GCLM: variants seen among roughly 807,000 people sequenced by gnomAD.
GCLM encodes glutamate--cysteine ligase regulatory subunit.
A neutral mutation model predicts 36.0 loss-of-function variants in GCLM; 15 were observed. The observed-to-expected ratio is 0.42, with a 90% CI of 0.28 to 0.64. The LOEUF is 0.64. GCLM is among the 30% of genes least tolerant of loss of function. The probability of loss-of-function intolerance (pLI) is 0.25; values close to 1 mark genes in which losing one functional copy is unlikely to be tolerated. For synonymous variants in GCLM, 129 were observed against 122.8 expected (o/e 1.05, Z -0.34); for missense variants, 242 against 325.5 (o/e 0.74, Z 1.97).
intron 5 of GCLM, 138 bp downstream of exon 5, chr1:93,896,479 AG>A (rs1304998851): frequency 1.5e-6 from 1 of 684,528 alleles, no homozygotes; most frequent in East Asian, 2.5e-5. Context: ...AAACTCCTGC[AG>A]AAACAAAACA....
At chr1:93,899,222 C>T (rs1466015296) in intron 3 of GCLM, among the ~76,000 whole-genome samples, 1 of 151,876 alleles carries the variant, frequency 6.6e-6, no homozygotes, top group Non-Finnish European at 1.5e-5. Flanking sequence ...TATAGGCCTG[C>T]GCCACCATGC....
chr1:93,897,201 G>A (rs906507530), intron 4 of GCLM, among the ~76,000 whole-genome samples: 5 of 152,018 alleles, frequency 3.3e-5, no homozygotes, highest in African/African-American at 7.3e-5. Context: ...CACTACTATC[G>A]CATATGGATG....
At chr1:93,907,430 G>A (rs1657183551) in intron 1 of GCLM, among the ~76,000 whole-genome samples, 1 of 152,102 alleles carries the variant, frequency 6.6e-6, no homozygotes, top group Non-Finnish European at 1.5e-5. Flanking sequence ...TACGGTATAA[G>A]GGCTAATATC....
chr1:93,887,096 A>C lies in GCLM; in HGVS notation c.*1894T>G, dbSNP rs1031373641. 1.3e-5 allele frequency: 2 copies of C among 151,102 alleles called. No individual in the cohort carries two copies. Among genetic ancestry groups the C allele is most frequent in the Non-Finnish European group, 2.9e-5 (2 of 67,974 alleles). 9.4% of individuals were successfully genotyped at this position (151,102 alleles called of 1,614,324 possible). A position where few individuals can be genotyped will look rare whatever the true frequency, so the allele number is the denominator to read the frequency against. On this transcript the variant is annotated 3_prime_UTR_variant, in exon 7 of 7. Coordinates refer to ENST00000370238, the MANE Select transcript of GCLM (RefSeq NM_002061.4). ...CTGCAAACTCCGCCTCCCAGGTTCAAGCGATTCTCGTGCCTCGCCTCCAAA... is the reference window on the plus strand; with the variant it reads ...CTGCAAACTCCGCCTCCCAGGTTCACGCGATTCTCGTGCCTCGCCTCCAAA...
Position 93,894,596 on chromosome 1 carries a change from T to C in GCLM, c.655+18A>G. ...AAAAGCTTATGATCAATCTCTATAA[T>C]GAAAATATCAGTTTTACCTTTTGGA... On this transcript the variant is annotated intron_variant, in intron 6 of 6. Transcript: ENST00000370238. 8.0e-7 allele frequency: 1 copy of C among 1,248,264 alleles called. No homozygotes were observed. The highest frequency in any genetic ancestry group is 2.3e-5 in the East Asian group (1 of 43,068). 77.3% of individuals were successfully genotyped at this position (1,248,264 alleles called of 1,614,324 possible). A position where few individuals can be genotyped will look rare whatever the true frequency, so the allele number is the denominator to read the frequency against.
intron 1 of GCLM, among the ~76,000 whole-genome samples, chr1:93,904,872 G>A (rs1657088138): frequency 6.6e-6 from 1 of 152,012 alleles, no homozygotes; most frequent in African/African-American, 2.4e-5. Flanking sequence ...GCTAACTGTT[G>A]AGACACAAAA....
chr1:93,903,211 G>A (rs1557732143), intron 2 of GCLM, among the ~76,000 whole-genome samples: 1 of 151,952 alleles, frequency 6.6e-6, no homozygotes, highest in Non-Finnish European at 1.5e-5. Context: ...TAGCTTCTTT[G>A]GGTAGATACT....
chr1:93,895,533 T>C (rs1416919253), intron 5 of GCLM, among the ~76,000 whole-genome samples: 1 of 152,184 alleles, frequency 6.6e-6, no homozygotes. Context: ...AAGAGAAGAA[T>C]TGACAGCTTC....
At position 93,894,698 on chromosome 1, in the gene GCLM, C is replaced by A; in HGVS notation, c.571G>T (p.Ala191Ser). Residue 191 changes from alanine to serine, a missense_variant, in exon 6 of 7, where the codon GCC (alanine) becomes TCC (serine). Physicochemically the swap from Ala to Ser is moderately conservative, Grantham distance 99. Coordinates refer to ENST00000370238, the MANE Select transcript of GCLM (RefSeq NM_002061.4). ...TCTGGTGGCATCACACAGCAGGAGG[C>A]AAGATTAACTTGGTTACTATTTGGT... ...VKPNSNQVNL[A>S]SCCVMPPDLT... 1 of 1,608,500 alleles carries A rather than the reference C, an allele frequency of 6.2e-7. No individual in the cohort carries two copies. Among genetic ancestry groups the A allele is most frequent in the South Asian group, 1.1e-5 (1 of 90,926 alleles).
At chr1:93,904,985 C>T (rs1657092146) in intron 1 of GCLM, among the ~76,000 whole-genome samples, 1 of 151,952 alleles carries the variant, frequency 6.6e-6, no homozygotes, top group South Asian at 2.1e-4. Flanking sequence ...ACCAGCCTGG[C>T]CAACATGGTG....
chr1:93,892,516 G>A (rs1014266481), intron 6 of GCLM, among the ~76,000 whole-genome samples: 3 of 152,014 alleles, frequency 2.0e-5, no homozygotes, highest in South Asian at 2.1e-4. Flanking sequence ...AAATTAAATC[G>A]AGAGTTGCTT....
chr1:93,909,192 G>T lies in GCLM; in HGVS notation c.-29C>A. On this transcript the variant is annotated 5_prime_UTR_variant, in exon 1 of 7. Transcript: ENST00000370238. Reference sequence around the variant, plus strand: ...AGCGGCCGCCCAGGGGCCGCGCAGCGAAGGGGCTGCGGGCGGGCGGGCAGG... The same window carrying T: ...AGCGGCCGCCCAGGGGCCGCGCAGCTAAGGGGCTGCGGGCGGGCGGGCAGG... The T allele has an allele frequency of 8.3e-7, 1 of 1,206,104 alleles. No homozygotes were observed. The highest frequency in any genetic ancestry group is 1.0e-6 in the Non-Finnish European group (1 of 973,368). 74.7% of individuals were successfully genotyped at this position (1,206,104 alleles called of 1,614,324 possible). A position where few individuals can be genotyped will look rare whatever the true frequency, so the allele number is the denominator to read the frequency against.
chr1:93,904,202 C>A (rs1209925194), intron 2 of GCLM: 1 of 299,336 alleles, frequency 3.3e-6, no homozygotes, highest in Admixed American at 5.1e-5. Context: ...TCTACTAAAG[C>A]AATCTACCAA....
chr1:93,908,990 GC>G, intron 1 of GCLM, 47 bp downstream of exon 1: 1 of 1,377,010 alleles, frequency 7.3e-7, no homozygotes, highest in Non-Finnish European at 9.4e-7. Flanking sequence ...GCCCGGCCCC[GC>G]CCGAGGCCTG....
chr1:93,896,588 T>G, intron 5 of GCLM, 30 bp downstream of exon 5: 1 of 1,562,628 alleles, frequency 6.4e-7, no homozygotes, highest in East Asian at 2.2e-5. Flanking sequence ...AAGTTCTTCC[T>G]GGAGTGCTCA....
intron 1 of GCLM, among the ~76,000 whole-genome samples, chr1:93,906,850 A>G (rs1203411297): frequency 6.6e-6 from 1 of 152,204 alleles, no homozygotes; most frequent in East Asian, 1.9e-4. Flanking sequence ...TTTTTTAAAT[A>G]CCATGATTCA....
At chr1:93,890,813 C>T (rs1239437258) in intron 6 of GCLM, among the ~76,000 whole-genome samples, 2 of 151,982 alleles carry the variant, frequency 1.3e-5, no homozygotes, top group Non-Finnish European at 2.9e-5. Context: ...AAAGGCTATA[C>T]TTTACACTTC....
intron 6 of GCLM, among the ~76,000 whole-genome samples, chr1:93,890,685 G>A (rs1034629781): frequency 2.0e-5 from 3 of 152,010 alleles, no homozygotes; most frequent in Admixed American, 6.5e-5. Context: ...GAAACAAACC[G>A]TCACAATGAT....
chr1:93,898,000 G>C (rs1449877871), intron 3 of GCLM, 102 bp from the exon 4 acceptor site: 1 of 494,070 alleles, frequency 2.0e-6, no homozygotes, highest in African/African-American at 2.0e-5. Flanking sequence ...AGATAATCCT[G>C]AATGAATTAT....
Sources: gnomAD v4.1 joint callset for allele counts (sites outside exome capture counted in the v4.1 genomes callset) on GRCh38, gnomAD v4.1.1 for gene constraint, MANE v1.5 for transcripts, NCBI Gene and HGNC (gene_info 2026-07-23, HGNC 2026-07-21) for gene names.